The following VWA3B variants were observed in gnomAD, a reference collection of about 807,000 sequenced individuals.
The protein encoded by VWA3B is von Willebrand factor A domain containing 3B.
In VWA3B, 138 loss-of-function variants were observed where a neutral mutation model predicts 158.3. The ratio of observed to expected loss-of-function variants is 0.87; its 90% CI spans 0.76 to 1.00. The LOEUF is 1.00. Among genes scored for constraint, VWA3B ranks in the 50% least tolerant of loss-of-function variants. The pLI is 0.00. For synonymous variants in VWA3B, 596 were observed against 587.3 expected (o/e 1.01, Z -0.21); for missense variants, 1,555 against 1,565.1 (o/e 0.99, Z 0.11).
chr2:98,305,217 A>C (rs147452256), intron 26 of VWA3B, among the ~76,000 whole-genome samples: 1 of 152,084 alleles, frequency 6.6e-6, no homozygotes, highest in Non-Finnish European at 1.5e-5. Context: ...CTCCCTTTGC[A>C]CTAAGGACCC....
chr2:98,181,775 G>A (rs1252263816), intron 9 of VWA3B, among the ~76,000 whole-genome samples: 1 of 152,198 alleles, frequency 6.6e-6, no homozygotes, highest in African/African-American at 2.4e-5. Flanking sequence ...CCCAATGAAG[G>A]ACAGTGCTCG....
rs191336854 is a variant in VWA3B at position 98,230,479 on chromosome 2, G to A, written c.2308+272G>A. Among the ~76,000 whole-genome samples the A allele has an allele frequency of 5.0e-4, 76 of 152,134 alleles. 1 individual carries two copies. Among genetic ancestry groups the A allele is most frequent in the Admixed American group, 3.7e-3 (56 of 15,278 alleles). On this transcript the variant is annotated intron_variant, in intron 16 of 27. Coordinates refer to ENST00000477737, the MANE Select transcript of VWA3B (RefSeq NM_144992.5). ...GCAATCCACAGGTCTTATTCAAATC[G>A]TCCAGTTTTACTTGTACCCGTGTGA... is the stretch of plus-strand genomic sequence containing the variant.
intron 22 of VWA3B, among the ~76,000 whole-genome samples, chr2:98,274,641 A>G (rs1319867685): frequency 6.6e-6 from 1 of 151,948 alleles, no homozygotes; most frequent in Non-Finnish European, 1.5e-5. Flanking sequence ...AGGTATTTGA[A>G]CTCTGTTGGG....
At chr2:98,235,750 T>TTG (rs1685639325) in intron 17 of VWA3B, among the ~76,000 whole-genome samples, 2 of 152,328 alleles carry the variant, frequency 1.3e-5, no homozygotes, top group Admixed American at 1.3e-4. Context: ...ATTTCCTAAG[T>TTG]TGTCTACATG....
chr2:98,207,580 G>C, intron 12 of VWA3B: 1 of 517,980 alleles, frequency 1.9e-6, no homozygotes, highest in Non-Finnish European at 3.9e-6. Context: ...AGGTCATATG[G>C]GGAAGTCAGT....
intron 2 of VWA3B, among the ~76,000 whole-genome samples, chr2:98,108,129 G>A (rs1288484865): frequency 6.6e-6 from 1 of 151,944 alleles, no homozygotes; most frequent in Non-Finnish European, 1.5e-5. Context: ...TGGACTTTTA[G>A]ATGCGTATTG....
intron 13 of VWA3B, chr2:98,216,814 G>A (rs1363449368): frequency 3.1e-6 from 2 of 640,080 alleles, no homozygotes; most frequent in Admixed American, 2.3e-5. Flanking sequence ...TCAGTTCTGA[G>A]CCACAGATGA....
At chr2:98,262,172 C>T (rs1033522540) in intron 21 of VWA3B, among the ~76,000 whole-genome samples, 2 of 151,648 alleles carry the variant, frequency 1.3e-5, no homozygotes, top group Non-Finnish European at 3.0e-5. Context: ...ATATTCTGGA[C>T]ATTAACCCAT....
intron 22 of VWA3B, among the ~76,000 whole-genome samples, chr2:98,283,085 G>T (rs12473947): frequency 7.9e-5 from 12 of 152,292 alleles, no homozygotes; most frequent in Middle Eastern, 3.4e-3. Flanking sequence ...CAATCTCCTC[G>T]GTTAGCTTCT....
chr2:98,290,751 C>T, intron 23 of VWA3B, 129 bp downstream of exon 23: 1 of 675,936 alleles, frequency 1.5e-6, no homozygotes, highest in Non-Finnish European at 2.5e-6. Flanking sequence ...GTCCACTTTT[C>T]ACAGAGAAGA....
chr2:98,144,766 C>G (rs149372706), intron 7 of VWA3B, among the ~76,000 whole-genome samples: 261 of 152,200 alleles, frequency 1.7e-3, no homozygotes, highest in African/African-American at 6.1e-3. Context: ...GGGGTTTTGC[C>G]ATGTTGACTA....
At chr2:98,103,104 A>C (rs549087476) in intron 2 of VWA3B, among the ~76,000 whole-genome samples, 70 of 152,242 alleles carry the variant, frequency 4.6e-4, no homozygotes, top group African/African-American at 1.7e-3. Flanking sequence ...CACCTCTTTC[A>C]TTCTTTTTTA....
intron 8 of VWA3B, among the ~76,000 whole-genome samples, chr2:98,177,567 T>G (rs781456509): frequency 1.1e-4 from 16 of 152,120 alleles, no homozygotes; most frequent in Admixed American, 3.9e-4. Context: ...TTCCCTCCTT[T>G]TTTTTTTTCT....
chr2:98,282,462 A>C (rs1688939566), intron 22 of VWA3B, among the ~76,000 whole-genome samples: 1 of 146,818 alleles, frequency 6.8e-6, no homozygotes, highest in Non-Finnish European at 1.5e-5. Context: ...TTTTGAGACA[A>C]AGTCTCACTC....
chr2:98,284,756 A>G (rs1291316992), intron 22 of VWA3B, among the ~76,000 whole-genome samples: 3 of 152,200 alleles, frequency 2.0e-5, no homozygotes, highest in Non-Finnish European at 4.4e-5. Flanking sequence ...TTTGCTAGGC[A>G]CTCCAATTGG....
At chr2:98,318,536 C>T in the VWA3B span, among the ~76,000 whole-genome samples, 2 of 152,094 alleles carry the variant, frequency 1.3e-5, no homozygotes, top group Non-Finnish European at 2.9e-5. Context: ...CACATGGACA[C>T]ATGGTGGAGG....
intron 12 of VWA3B, among the ~76,000 whole-genome samples, chr2:98,195,466 G>C (rs1008826782): frequency 1.3e-5 from 2 of 152,174 alleles, no homozygotes; most frequent in Admixed American, 1.3e-4. Flanking sequence ...AAATAATAAT[G>C]CCTGTAAGAT....
In VWA3B at chr2:98,246,935, A is replaced by G. The variant is rs556878016; in HGVS notation, c.2674-3383A>G. ...TTTTTTATGCTTTCTGTTAAATGTC[A>G]TTTTTAAATGATCACTGCTTGTATT... On this transcript the variant is annotated intron_variant, in intron 19 of 27. Coordinates refer to ENST00000477737, the MANE Select transcript of VWA3B (RefSeq NM_144992.5). 1.2e-3 allele frequency among the ~76,000 whole-genome samples: 188 copies of G among 151,962 alleles called. 2 individuals are homozygous for G. The South Asian group carries it at 0.026, about 21-fold the overall frequency.
intron 20 of VWA3B, among the ~76,000 whole-genome samples, chr2:98,253,269 A>C (rs1686916716): frequency 6.6e-6 from 1 of 152,178 alleles, no homozygotes; most frequent in Non-Finnish European, 1.5e-5. Flanking sequence ...AACAAAGATA[A>C]GCGAGATGTA....
Sources: gnomAD v4.1 joint callset for allele counts (sites outside exome capture counted in the v4.1 genomes callset) on GRCh38, gnomAD v4.1.1 for gene constraint, MANE v1.5 for transcripts, NCBI Gene and HGNC (gene_info 2026-07-23, HGNC 2026-07-21) for gene names.